ARID4B: variants seen among roughly 807,000 people sequenced by gnomAD.
ARID4B encodes AT-rich interaction domain 4B, also known as AT-rich interactive domain-containing protein 4B.
A neutral mutation model predicts 147.5 loss-of-function variants in ARID4B; 26 were observed. The observed-to-expected ratio is 0.18, with a 90% CI of 0.13 to 0.24. ARID4B has a LOEUF of 0.24. Among genes scored for constraint, ARID4B ranks in the 10% least tolerant of loss-of-function variants. ARID4B has a pLI of 1.00. For missense variants in ARID4B, 1,179 were observed against 1,511.5 expected (o/e 0.78, Z 3.65); for synonymous variants, 512 against 507.9 (o/e 1.01, Z -0.11).
intron 16 of ARID4B, among the ~76,000 whole-genome samples, chr1:235,215,909 TA>T (rs1034145048): frequency 1.4e-4 from 21 of 148,240 alleles, no homozygotes; most frequent in African/African-American, 3.2e-4. Flanking sequence ...ATATTTATAT[TA>T]AAAAAAAAAC....
chr1:235,326,101 G>A (rs1036417265), intron 2 of ARID4B, among the ~76,000 whole-genome samples: 2 of 151,672 alleles, frequency 1.3e-5, no homozygotes. Flanking sequence ...AGTTCCACCA[G>A]TTGAATCCAG....
chr1:235,236,860 A>ATT lies in ARID4B; in HGVS notation c.586-2369_586-2368insAA, dbSNP rs1484671527. 5.4e-3 allele frequency among the ~76,000 whole-genome samples: 110 copies of ATT among 20,414 alleles called. 1 individual carries two copies. Among genetic ancestry groups the ATT allele is most frequent in the Non-Finnish European group, 7.4e-3 (78 of 10,486 alleles). 13.4% of individuals were successfully genotyped at this position (20,414 alleles called of 152,430 possible). ...TATATATATATATATATATATATAT[A>ATT]TATTTTTTTTTTTTTTTTTTTTTTT... On this transcript the variant is annotated intron_variant, in intron 8 of 23. Transcript: ENST00000264183.
At chr1:235,271,183 T>C (rs1345362038) in intron 2 of ARID4B, among the ~76,000 whole-genome samples, 4 of 151,738 alleles carry the variant, frequency 2.6e-5, no homozygotes, top group African/African-American at 9.7e-5. Flanking sequence ...CGAGACTTCA[T>C]CTCTACAAAT....
Position 235,177,843 on chromosome 1 carries a change from GCTT to G in ARID4B, c.3402_3404del (p.Arg1134del). On this transcript the variant is annotated inframe_deletion, in exon 21 of 24. Transcript: ENST00000264183. ...TGTTGTTTACCACTGTTGCTTTATG[GCTT>G]CTTTTCTGCTTTTTTGATGAACTTC... The G allele has an allele frequency of 3.1e-6, 5 of 1,611,964 alleles. No individual in the cohort carries two copies. The highest frequency in any genetic ancestry group is 1.3e-5 in the African/African-American group (1 of 74,898).
At chr1:235,285,784 A>G (rs2103193186) in intron 2 of ARID4B, among the ~76,000 whole-genome samples, 1 of 152,226 alleles carries the variant, frequency 6.6e-6, no homozygotes, top group East Asian at 1.9e-4. Flanking sequence ...TAGGATTCCT[A>G]TACATTAGCA....
intron 2 of ARID4B, among the ~76,000 whole-genome samples, chr1:235,261,062 A>C (rs1670262667): frequency 6.6e-6 from 1 of 152,190 alleles, no homozygotes; most frequent in African/African-American, 2.4e-5. Flanking sequence ...ATATTTATTT[A>C]TTCTATGACC....
intron 2 of ARID4B, among the ~76,000 whole-genome samples, chr1:235,264,594 C>T (rs575136869): frequency 1.3e-5 from 2 of 152,056 alleles, no homozygotes; most frequent in South Asian, 2.1e-4. Context: ...GCTGCCACAT[C>T]AAAAAAACAG....
chr1:235,309,175 T>C (rs2103270069), intron 2 of ARID4B, among the ~76,000 whole-genome samples: 1 of 147,604 alleles, frequency 6.8e-6, no homozygotes, highest in African/African-American at 2.5e-5. Flanking sequence ...TGACCCCGTC[T>C]GGGAGGTGAG....
intron 13 of ARID4B, 149 bp downstream of exon 13, chr1:235,223,017 A>C (rs1302943367): frequency 1.8e-5 from 10 of 557,326 alleles, no homozygotes; most frequent in Middle Eastern, 4.5e-4. Flanking sequence ...TTGTCTGAGG[A>C]GGCTAGCTGT....
chr1:235,173,293 G>A (rs548250895), intron 22 of ARID4B, among the ~76,000 whole-genome samples: 16 of 152,252 alleles, frequency 1.1e-4, no homozygotes, highest in African/African-American at 3.6e-4. Flanking sequence ...GGAGTGAGCC[G>A]AGATTGTGCC....
chr1:235,259,164 T>C (rs1670154463), intron 3 of ARID4B, among the ~76,000 whole-genome samples: 1 of 152,232 alleles, frequency 6.6e-6, no homozygotes, highest in Non-Finnish European at 1.5e-5. Context: ...CTCTGTGCTA[T>C]CAATAGAGGC....
chr1:235,209,365 G>A (rs909222416), intron 17 of ARID4B, among the ~76,000 whole-genome samples: 9 of 152,036 alleles, frequency 5.9e-5, no homozygotes, highest in Non-Finnish European at 1.3e-4. Flanking sequence ...CAGCTACTTG[G>A]GAGGCTGAGA....
At chr1:235,197,523 G>T (rs1665585724) in intron 17 of ARID4B, among the ~76,000 whole-genome samples, 1 of 152,164 alleles carries the variant, frequency 6.6e-6, no homozygotes, top group South Asian at 2.1e-4. Context: ...CATGCAAGGG[G>T]TTCTGTTTAT....
intron 22 of ARID4B, 54 bp downstream of exon 22, chr1:235,175,130 A>G: frequency 6.7e-7 from 1 of 1,497,736 alleles, no homozygotes; most frequent in Non-Finnish European, 9.3e-7. Context: ...AAATAAAACA[A>G]AAAGAGTTAC....
At chr1:235,199,037 T>C (rs993889152) in intron 17 of ARID4B, among the ~76,000 whole-genome samples, 1 of 152,180 alleles carries the variant, frequency 6.6e-6, no homozygotes, top group South Asian at 2.1e-4. Flanking sequence ...AGGCGGAGGT[T>C]GCAGTGAGCC....
chr1:235,282,793 T>G (rs1238886812), intron 2 of ARID4B, among the ~76,000 whole-genome samples: 1 of 152,112 alleles, frequency 6.6e-6, no homozygotes. Context: ...ATTTATTTAT[T>G]TATTTTTTTG....
intron 7 of ARID4B, among the ~76,000 whole-genome samples, chr1:235,242,269 T>C (rs1338059777): frequency 2.0e-5 from 3 of 151,748 alleles, no homozygotes; most frequent in South Asian, 2.1e-4. Context: ...AAAAGATGTA[T>C]TGTACTTCAA....
At chr1:235,212,098 A>G (rs1406806336) in intron 17 of ARID4B, among the ~76,000 whole-genome samples, 1 of 152,148 alleles carries the variant, frequency 6.6e-6, no homozygotes, top group East Asian at 1.9e-4. Context: ...TACGAAAATT[A>G]GCCAGGCACA....
In ARID4B at chr1:235,229,575, A is replaced by G. The variant is rs192949658; in HGVS notation, c.743-190T>C. Among the ~76,000 whole-genome samples the G allele has an allele frequency of 7.2e-5, 11 of 152,384 alleles. No individual in the cohort carries two copies. In the East Asian group the frequency reaches 2.1e-3, roughly 29 times the overall value. ...ATATTTAATCCTATCCATCCTATGCATTAGGTAGTCATTTTATAGATGGCA... is the reference window on the plus strand; with the variant it reads ...ATATTTAATCCTATCCATCCTATGCGTTAGGTAGTCATTTTATAGATGGCA... On this transcript the variant is annotated intron_variant, in intron 10 of 23. Coordinates refer to ENST00000264183, the MANE Select transcript of ARID4B (RefSeq NM_016374.6).
Sources: allele counts gnomAD v4.1 joint callset (sites outside exome capture counted in the v4.1 genomes callset), GRCh38; gene constraint gnomAD v4.1.1; transcripts MANE v1.5; gene names NCBI Gene and HGNC (gene_info 2026-07-23, HGNC 2026-07-21).